SCMH1: variants seen among roughly 807,000 people sequenced by gnomAD.
SCMH1 encodes the protein polycomb protein SCMH1.
In SCMH1, 37 loss-of-function variants were observed where a neutral mutation model predicts 70.8. That is an observed-to-expected ratio of 0.52 (90% CI 0.40 to 0.69). SCMH1 has a LOEUF of 0.69. Among genes scored for constraint, SCMH1 ranks in the 30% least tolerant of loss-of-function variants. The pLI, the probability that SCMH1 is intolerant of heterozygous loss-of-function variation, is 0.00. For synonymous variants in SCMH1, 292 were observed against 307.4 expected (o/e 0.95, Z 0.52); for missense variants, 607 against 827.3 (o/e 0.73, Z 3.27).
At chr1:41,093,530 A>C (rs1664248572) in intron 8 of SCMH1, among the ~76,000 whole-genome samples, 1 of 152,204 alleles carries the variant, frequency 6.6e-6, no homozygotes, top group South Asian at 2.1e-4. Context: ...TAATAATAAA[A>C]AAAGTTAATC....
chr1:41,117,534 C>G (rs1029201249), intron 6 of SCMH1, among the ~76,000 whole-genome samples: 3 of 151,738 alleles, frequency 2.0e-5, no homozygotes, highest in African/African-American at 7.2e-5. Context: ...GAAGACTCTA[C>G]TCCTCCACCT....
At chr1:41,058,772 A>AT (rs1186999816) in intron 10 of SCMH1, among the ~76,000 whole-genome samples, 2 of 152,176 alleles carry the variant, frequency 1.3e-5, no homozygotes, top group Non-Finnish European at 1.5e-5. Flanking sequence ...GCAAATCTAC[A>AT]TTTTACATAA....
At chr1:41,205,810 G>A (rs1655402413) in intron 1 of SCMH1, among the ~76,000 whole-genome samples, 1 of 152,224 alleles carries the variant, frequency 6.6e-6, no homozygotes, top group Admixed American at 6.5e-5. Flanking sequence ...GCCCCTCTAG[G>A]ACGAAGCTTC....
chr1:41,240,477 A>G (rs1451470488), intron 1 of SCMH1, among the ~76,000 whole-genome samples: 1 of 152,184 alleles, frequency 6.6e-6, no homozygotes, highest in Non-Finnish European at 1.5e-5. Context: ...CAAAGAGTTC[A>G]ATGTAATAAA....
At chr1:41,028,423 C>G (rs1238674831) in intron 14 of SCMH1, 104 bp from the exon 16 acceptor site, 11 of 1,528,028 alleles carry the variant, frequency 7.2e-6, no homozygotes, top group Non-Finnish European at 8.9e-6. Flanking sequence ...GGGAAGTGCC[C>G]GCCACATGGA....
intron 1 of SCMH1, among the ~76,000 whole-genome samples, chr1:41,217,386 A>G (rs2148828025): frequency 6.6e-6 from 1 of 152,320 alleles, no homozygotes; most frequent in Non-Finnish European, 1.5e-5. Context: ...GGAAAGAAAT[A>G]AATTGAGGAA....
Position 41,075,351 on chromosome 1 carries a change from C to T in SCMH1, c.846G>A (p.Gln282=), listed in dbSNP as rs149796389. 29 of 1,614,070 alleles carry T rather than the reference C, an allele frequency of 1.8e-5. 1 individual carries two copies. The South Asian group carries it at 2.4e-4, about 13-fold the overall frequency. The change falls in exon 9 of 15, where the codon CAG becomes CAA. Residue 282 remains glutamine, a synonymous_variant. Transcript: ENST00000337495. ...GCTTCTTTCCTGGTTTACGCCCCCTCTGCCCTGGTTGATGTTCCAAGACAG... is the reference window on the plus strand; with the variant it reads ...GCTTCTTTCCTGGTTTACGCCCCCTTTGCCCTGGTTGATGTTCCAAGACAG...
At chr1:41,181,417 C>G (rs1343644902) in intron 2 of SCMH1, among the ~76,000 whole-genome samples, 9 of 152,114 alleles carry the variant, frequency 5.9e-5, no homozygotes, top group Admixed American at 5.9e-4. Flanking sequence ...AGGCAACCTA[C>G]AGAATGGGAG....
chr1:41,078,135 A>G (rs2363097), intron 8 of SCMH1, among the ~76,000 whole-genome samples: 129,136 of 152,096 alleles, frequency 0.85, 55,314 homozygotes, highest in East Asian at 0.96. Flanking sequence ...GGGTTTAAGG[A>G]CAGACAAGAG....
chr1:41,159,948 G>C (rs1484590211), intron 4 of SCMH1: 1 of 612,612 alleles, frequency 1.6e-6, no homozygotes, highest in Non-Finnish European at 2.4e-6. Flanking sequence ...GAAGTAGGCA[G>C]AATGGGATTA....
intron 1 of SCMH1, among the ~76,000 whole-genome samples, chr1:41,234,829 TTCTC>T (rs974311711): frequency 6.6e-6 from 1 of 152,102 alleles, no homozygotes; most frequent in African/African-American, 2.4e-5. Flanking sequence ...TCAAAAGTCA[TTCTC>T]TCTCTCTGGA....
At chr1:41,078,780 TGAAAA>T (rs1659116378) in intron 8 of SCMH1, among the ~76,000 whole-genome samples, 1 of 151,756 alleles carries the variant, frequency 6.6e-6, no homozygotes, top group Non-Finnish European at 1.5e-5. Flanking sequence ...CTATGGAAAA[TGAAAA>T]GGAAGTTCTT....
intron 1 of SCMH1, among the ~76,000 whole-genome samples, chr1:41,208,918 C>CA (rs1323563873): frequency 2.0e-5 from 3 of 152,016 alleles, no homozygotes; most frequent in South Asian, 2.1e-4. Context: ...AAAAACCCTT[C>CA]AAAAAAATCA....
chr1:41,241,787 C>T (rs1663618194), intron 1 of SCMH1, among the ~76,000 whole-genome samples: 1 of 151,870 alleles, frequency 6.6e-6, no homozygotes, highest in Non-Finnish European at 1.5e-5. Context: ...GTCCTGGCGG[C>T]GTCAGGGCCG....
chr1:41,230,220 T>C (rs1227370280), intron 1 of SCMH1, among the ~76,000 whole-genome samples: 2 of 152,044 alleles, frequency 1.3e-5, no homozygotes, highest in Admixed American at 1.3e-4. Flanking sequence ...GAAAGCCATA[T>C]AGGGGGTTGA....
At chr1:41,067,808 A>G (rs1355810515) in intron 10 of SCMH1, among the ~76,000 whole-genome samples, 3 of 152,238 alleles carry the variant, frequency 2.0e-5, no homozygotes, top group African/African-American at 7.2e-5. Flanking sequence ...GACATGGGTG[A>G]TAATAACGAG....
At chr1:41,212,332 G>A (rs1383890899) in intron 1 of SCMH1, among the ~76,000 whole-genome samples, 1 of 151,946 alleles carries the variant, frequency 6.6e-6, no homozygotes, top group Non-Finnish European at 1.5e-5. Context: ...AGAAAAATAA[G>A]AATAAAAAAT....
At chr1:41,149,648 T>C (rs56100949) in intron 5 of SCMH1, among the ~76,000 whole-genome samples, 1,962 of 152,298 alleles carry the variant, frequency 0.013, 41 homozygotes, top group African/African-American at 0.045. Context: ...GTGAAGTAGT[T>C]TGATCTTCTT....
chr1:41,050,950 G>A (rs1291258439), intron 10 of SCMH1, among the ~76,000 whole-genome samples: 3 of 152,128 alleles, frequency 2.0e-5, no homozygotes, highest in Non-Finnish European at 4.4e-5. Flanking sequence ...AACTAAAAAT[G>A]CAGGAATCCA....
Sources: gnomAD v4.1 joint callset for allele counts (sites outside exome capture counted in the v4.1 genomes callset) on GRCh38, gnomAD v4.1.1 for gene constraint, MANE v1.5 for transcripts, NCBI Gene and HGNC (gene_info 2026-07-23, HGNC 2026-07-21) for gene names.